The following WWC1 variants were observed in gnomAD, a reference collection of about 807,000 sequenced individuals.
WWC1 encodes WW and C2 domain containing 1.
In WWC1, 55 loss-of-function variants were observed where a neutral mutation model predicts 138.4. The ratio of observed to expected loss-of-function variants is 0.40; its 90% CI spans 0.32 to 0.50. WWC1 has a LOEUF of 0.50. Ranked by LOEUF, WWC1 falls within the 20% of genes least tolerant of loss-of-function variation. The probability of loss-of-function intolerance (pLI) is 0.72; values close to 1 mark genes in which losing one functional copy is unlikely to be tolerated. For synonymous variants in WWC1, 524 were observed against 564.9 expected, an observed-to-expected ratio of 0.93 and a Z score of 1.03; for missense variants, 1,226 against 1,420.4, an observed-to-expected ratio of 0.86 and a Z score of 2.20.
intron 1 of WWC1, among the ~76,000 whole-genome samples, chr5:168,357,494 G>GTGCA (rs1491565180): frequency 2.9e-5 from 3 of 102,386 alleles, no homozygotes; most frequent in African/African-American, 1.7e-4. Flanking sequence ...GTGTGTGTGT[G>GTGCA]CGCGCGCGCA....
chr5:168,444,423 T>C (rs1278883095), intron 16 of WWC1, 71 bp from the exon 17 acceptor site: 5 of 1,444,190 alleles, frequency 3.5e-6, no homozygotes, highest in East Asian at 2.5e-5. Context: ...AGCTCTGAGA[T>C]GCTCTGATTC....
chr5:168,383,172 A>G (rs1193675461), intron 2 of WWC1, among the ~76,000 whole-genome samples: 3 of 148,114 alleles, frequency 2.0e-5, no homozygotes, highest in Non-Finnish European at 4.5e-5. Flanking sequence ...GCAAGACTCC[A>G]TCTCAAAAAC....
chr5:168,299,325 A>T (rs1015675168), intron 1 of WWC1, among the ~76,000 whole-genome samples: 19 of 152,276 alleles, frequency 1.2e-4, no homozygotes, highest in Non-Finnish European at 2.1e-4. Context: ...AGACTTTGCT[A>T]AGGAGCCTTA....
chr5:168,425,456 T>C (rs4976607), intron 11 of WWC1, among the ~76,000 whole-genome samples: 79,683 of 150,908 alleles, frequency 0.53, 22,377 homozygotes, highest in East Asian at 0.99. Flanking sequence ...ATTTAAGCCT[T>C]ACAACACCTC....
intron 2 of WWC1, among the ~76,000 whole-genome samples, chr5:168,384,997 C>T (rs950175864): frequency 2.0e-5 from 3 of 152,186 alleles, no homozygotes; most frequent in South Asian, 2.1e-4. Flanking sequence ...GGATTACAGG[C>T]GTGAGCCACC....
intron 3 of WWC1, among the ~76,000 whole-genome samples, chr5:168,397,324 G>A (rs1230062990): frequency 6.6e-6 from 1 of 151,948 alleles, no homozygotes; most frequent in African/African-American, 2.4e-5. Flanking sequence ...TGTATTTTTA[G>A]CAGAGGCGGG....
intron 15 of WWC1, among the ~76,000 whole-genome samples, chr5:168,435,816 A>G (rs1198725641): frequency 6.6e-6 from 1 of 151,850 alleles, no homozygotes; most frequent in African/African-American, 2.4e-5. Context: ...CTGTAACCCA[A>G]TCCATGTGGA....
At chr5:168,303,610 A>G (rs1246514852) in intron 1 of WWC1, among the ~76,000 whole-genome samples, 1 of 152,092 alleles carries the variant, frequency 6.6e-6, no homozygotes, top group Non-Finnish European at 1.5e-5. Flanking sequence ...TCATCTCAAG[A>G]AGAAAGCAGG....
At chr5:168,295,845 G>T (rs1047498683) in intron 1 of WWC1, among the ~76,000 whole-genome samples, 1 of 152,180 alleles carries the variant, frequency 6.6e-6, no homozygotes, top group Non-Finnish European at 1.5e-5. Context: ...GGGGAAGACT[G>T]GGAGGCCGAA....
intron 1 of WWC1, among the ~76,000 whole-genome samples, chr5:168,363,524 CAAAAA>C (rs386405611): frequency 2.0e-3 from 134 of 65,782 alleles, no homozygotes; most frequent in African/African-American, 8.4e-3. Flanking sequence ...GACTCTGTCT[CAAAAA>C]AAAAAAAAAA....
At chr5:168,447,739 G>T (rs984788748) in intron 17 of WWC1, among the ~76,000 whole-genome samples, 20 of 151,944 alleles carry the variant, frequency 1.3e-4, no homozygotes, top group African/African-American at 4.3e-4. Context: ...TTAGTTTAGG[G>T]TTCTCTCTAA....
chr5:168,411,181 C>A (rs1396751585), intron 8 of WWC1, among the ~76,000 whole-genome samples: 1 of 152,116 alleles, frequency 6.6e-6, no homozygotes, highest in Non-Finnish European at 1.5e-5. Context: ...CCCACCTCAG[C>A]CTCCCAAAGT....
chr5:168,384,117 A>G (rs1777856455), intron 2 of WWC1, among the ~76,000 whole-genome samples: 1 of 152,116 alleles, frequency 6.6e-6, no homozygotes, highest in African/African-American at 2.4e-5. Context: ...CAAAGGTGTT[A>G]TCTTTATAAT....
chr5:168,322,770 A>C, intron 1 of WWC1, among the ~76,000 whole-genome samples: 1 of 152,198 alleles, frequency 6.6e-6, no homozygotes, highest in East Asian at 1.9e-4. Context: ...AGGGACCCAG[A>C]TTCTGTATGC....
chr5:168,386,067 G>A (rs534629858), intron 3 of WWC1, among the ~76,000 whole-genome samples: 3 of 151,802 alleles, frequency 2.0e-5, no homozygotes, highest in East Asian at 2.0e-4. Context: ...AGTATGTGCC[G>A]GTCCCCTTCC....
chr5:168,315,767 C>T (rs141484207), intron 1 of WWC1, among the ~76,000 whole-genome samples: 8 of 152,200 alleles, frequency 5.3e-5, no homozygotes, highest in African/African-American at 1.4e-4. Context: ...GGTCGCTTCC[C>T]GTTAAGAAGC....
At chr5:168,339,837 T>TTTC (rs1561630184) in intron 1 of WWC1, among the ~76,000 whole-genome samples, 465 of 119,104 alleles carry the variant, frequency 3.9e-3, no homozygotes, top group African/African-American at 0.02. Context: ...TTTCTTTTTC[T>TTTC]TTTCTTTCTT....
chr5:168,467,922 G>C lies in WWC1; in HGVS notation c.3233G>C (p.Arg1078Pro). 1 of 1,614,242 alleles carries C rather than the reference G, an allele frequency of 6.2e-7. No individual in the cohort carries two copies. Among genetic ancestry groups the C allele is most frequent in the Non-Finnish European group, 8.5e-7 (1 of 1,180,046 alleles). The change falls in exon 22 of 23, where the codon CGA becomes CCA. Residue 1078 changes from arginine (R) to proline (P), a missense_variant. Transcript: ENST00000265293. ...GCTGCCAAGGATGTGCACAGGCTCCGAGGCCAGAGCTGTAAGGAACCCCCA... is the reference window on the plus strand; with the variant it reads ...GCTGCCAAGGATGTGCACAGGCTCCCAGGCCAGAGCTGTAAGGAACCCCCA... Reference protein sequence around the residue: ...RAAAKDVHRLRGQSCKEPPEV... With the variant: ...RAAAKDVHRLPGQSCKEPPEV...
chr5:168,406,483 G>GTGGAGGC (rs1779803529), intron 6 of WWC1, among the ~76,000 whole-genome samples, 156 bp downstream of exon 6: 1 of 152,150 alleles, frequency 6.6e-6, no homozygotes, highest in African/African-American at 2.4e-5. Context: ...AGAGGAGGAC[G>GTGGAGGC]TGGAGGCTCA....
Sources: gnomAD v4.1 joint callset for allele counts (sites outside exome capture counted in the v4.1 genomes callset) on GRCh38, gnomAD v4.1.1 for gene constraint, MANE v1.5 for transcripts, NCBI Gene and HGNC (gene_info 2026-07-23, HGNC 2026-07-21) for gene names.